Variants in GALNT17 observed in about 807,000 individuals in gnomAD.
The protein encoded by GALNT17 is polypeptide N-acetylgalactosaminyltransferase 17.
GALNT17 carries 29 observed loss-of-function variants against 63.7 expected under a neutral mutation model. The ratio of observed to expected loss-of-function variants is 0.46; its 90% CI spans 0.34 to 0.62. GALNT17 has a LOEUF of 0.62. GALNT17 is among the 20% of genes least tolerant of loss of function. GALNT17 has a pLI of 0.01. For missense variants in GALNT17, 603 were observed against 799.6 expected (o/e 0.75, Z 2.97); for synonymous variants, 305 against 318.3 (o/e 0.96, Z 0.45).
intron 6 of GALNT17, among the ~76,000 whole-genome samples, chr7:71,633,103 C>CAAAAAA (rs71089970): frequency 1.4e-5 from 1 of 72,370 alleles, no homozygotes; most frequent in African/African-American, 6.0e-5. Flanking sequence ...GACTCTGTCT[C>CAAAAAA]AAAAAAAAAA....
chr7:71,419,329 C>T (rs1173509416), intron 4 of GALNT17, among the ~76,000 whole-genome samples: 5 of 152,152 alleles, frequency 3.3e-5, no homozygotes, highest in Non-Finnish European at 5.9e-5. Context: ...ACTTAACCTC[C>T]CTGGTCCTCA....
intron 6 of GALNT17, among the ~76,000 whole-genome samples, chr7:71,661,581 C>G (rs538221561): frequency 6.6e-6 from 1 of 152,260 alleles, no homozygotes; most frequent in African/African-American, 2.4e-5. Flanking sequence ...AGCTAAAGTG[C>G]AGACTTAGGC....
At chr7:71,651,776 A>T (rs911521972) in intron 6 of GALNT17, among the ~76,000 whole-genome samples, 1 of 152,150 alleles carries the variant, frequency 6.6e-6, no homozygotes, top group Non-Finnish European at 1.5e-5. Context: ...CAGTAGCACC[A>T]TCATAGCTCA....
intron 5 of GALNT17, among the ~76,000 whole-genome samples, chr7:71,554,126 A>G (rs1191640238): frequency 6.6e-6 from 1 of 152,094 alleles, no homozygotes; most frequent in East Asian, 1.9e-4. Context: ...TTGTGAACCA[A>G]CCTGTCTAGT....
At chr7:71,381,400 G>A (rs1792845319) in intron 2 of GALNT17, among the ~76,000 whole-genome samples, 1 of 152,166 alleles carries the variant, frequency 6.6e-6, no homozygotes, top group Non-Finnish European at 1.5e-5. Context: ...CTTGCGGACT[G>A]GGAGGTTGGC....
At chr7:71,378,464 A>G (rs1792785089) in intron 2 of GALNT17, among the ~76,000 whole-genome samples, 1 of 152,152 alleles carries the variant, frequency 6.6e-6, no homozygotes, top group African/African-American at 2.4e-5. Flanking sequence ...AGCAGCTTTC[A>G]GAGTTTGAGC....
At chr7:71,546,161 C>CTTTTTTTTT (rs34711093) in intron 5 of GALNT17, among the ~76,000 whole-genome samples, 1 of 136,604 alleles carries the variant, frequency 7.3e-6, no homozygotes, top group Non-Finnish European at 1.6e-5. Flanking sequence ...TTGAGGGACA[C>CTTTTTTTTT]TTTTTTTTTT....
intron 1 of GALNT17, among the ~76,000 whole-genome samples, chr7:71,224,680 C>G (rs1162143924): frequency 6.6e-6 from 1 of 152,128 alleles, no homozygotes; most frequent in African/African-American, 2.4e-5. Context: ...GCCAGAGGAA[C>G]TGTTCTTTCT....
intron 6 of GALNT17, among the ~76,000 whole-genome samples, chr7:71,649,575 TC>T (rs1463953356): frequency 2.0e-5 from 3 of 151,420 alleles, no homozygotes; most frequent in Non-Finnish European, 4.4e-5. Context: ...GTGGGGGTCT[TC>T]AGATTGGTTA....
At chr7:71,368,618 A>G (rs1384391061) in intron 2 of GALNT17, among the ~76,000 whole-genome samples, 1 of 152,172 alleles carries the variant, frequency 6.6e-6, no homozygotes, top group Non-Finnish European at 1.5e-5. Flanking sequence ...TGTCATAATT[A>G]TGATTTACAT....
intron 5 of GALNT17, among the ~76,000 whole-genome samples, chr7:71,452,820 T>C (rs1025426662): frequency 1.3e-5 from 2 of 152,294 alleles, no homozygotes; most frequent in African/African-American, 4.8e-5. Flanking sequence ...ATTAAGCATC[T>C]TGTTTTTTTG....
intron 5 of GALNT17, among the ~76,000 whole-genome samples, chr7:71,482,896 T>C (rs937005031): frequency 6.6e-6 from 1 of 152,138 alleles, no homozygotes; most frequent in African/African-American, 2.4e-5. Context: ...AGAGTGTTCA[T>C]GCTCCTATGA....
At chr7:71,601,758 G>T (rs1271903692) in intron 6 of GALNT17, among the ~76,000 whole-genome samples, 2 of 151,992 alleles carry the variant, frequency 1.3e-5, no homozygotes, top group Non-Finnish European at 2.9e-5. Flanking sequence ...GCACTCCAGC[G>T]TGGGCATCAG....
chr7:71,479,348 C>A (rs1787776525), intron 5 of GALNT17, among the ~76,000 whole-genome samples: 2 of 152,066 alleles, frequency 1.3e-5, no homozygotes. Flanking sequence ...CACTGGGGCT[C>A]AGCACGTATG....
chr7:71,499,234 G>A (rs1308482353), intron 5 of GALNT17, among the ~76,000 whole-genome samples: 2 of 152,244 alleles, frequency 1.3e-5, no homozygotes, highest in Middle Eastern at 3.4e-3. Flanking sequence ...CCCTATTGGG[G>A]CAGGGTTGGG....
intron 5 of GALNT17, among the ~76,000 whole-genome samples, chr7:71,524,091 C>T (rs1308197864): frequency 6.6e-6 from 1 of 151,190 alleles, no homozygotes; most frequent in Non-Finnish European, 1.5e-5. Flanking sequence ...GCGCTTCAGC[C>T]TGGTGACAGA....
chr7:71,459,706 G>C (rs1309184455), intron 5 of GALNT17, among the ~76,000 whole-genome samples: 1 of 152,142 alleles, frequency 6.6e-6, no homozygotes, highest in Non-Finnish European at 1.5e-5. Context: ...GGGGAAAATT[G>C]CATCTGTAAA....
chr7:71,341,241 T>C (rs1218414907), intron 2 of GALNT17, among the ~76,000 whole-genome samples: 1 of 152,006 alleles, frequency 6.6e-6, no homozygotes, highest in African/African-American at 2.4e-5. Context: ...GAAGACAGCA[T>C]TGAGAAAAGT....
At chr7:71,447,643 A>T (rs1404767974) in intron 5 of GALNT17, among the ~76,000 whole-genome samples, 1 of 152,200 alleles carries the variant, frequency 6.6e-6, no homozygotes, top group Non-Finnish European at 1.5e-5. Flanking sequence ...ACCACTTATT[A>T]ATACTTATAT....
Sources: allele counts gnomAD v4.1 joint callset (sites outside exome capture counted in the v4.1 genomes callset), GRCh38; gene constraint gnomAD v4.1.1; transcripts MANE v1.5; gene names NCBI Gene and HGNC (gene_info 2026-07-23, HGNC 2026-07-21).